STX17: variants seen among roughly 807,000 people sequenced by gnomAD.
STX17 encodes syntaxin-17.
Under a neutral mutation model 35.9 loss-of-function variants are expected in STX17, and 29 were observed. The ratio of observed to expected loss-of-function variants is 0.81; its 90% confidence interval spans 0.60 to 1.10. The LOEUF (loss-of-function observed/expected upper bound fraction) is 1.10. Ranked by LOEUF, STX17 falls within the 50% of genes least tolerant of loss-of-function variation. The pLI is 0.00. For missense variants in STX17, 312 were observed against 352.3 expected (o/e 0.89, Z 0.92); for synonymous variants, 92 against 118.3 (o/e 0.78, Z 1.44).
At chr9:99,952,974 A>G (rs1312890994) in intron 4 of STX17, among the ~76,000 whole-genome samples, 3 of 152,014 alleles carry the variant, frequency 2.0e-5, no homozygotes, top group African/African-American at 4.8e-5. Flanking sequence ...ACATGTATAC[A>G]TATGTAACTA....
intron 2 of STX17, among the ~76,000 whole-genome samples, chr9:99,920,086 T>C (rs1427751579): frequency 6.6e-6 from 1 of 152,208 alleles, no homozygotes; most frequent in Non-Finnish European, 1.5e-5. Flanking sequence ...TCAGTTTCCT[T>C]CCTTTGTGTT....
intron 1 of STX17, 196 bp downstream of exon 1, chr9:99,906,902 T>C (rs1828559498): frequency 6.6e-6 from 1 of 152,258 alleles, no homozygotes; most frequent in Non-Finnish European, 1.5e-5. Flanking sequence ...GGAAGCTTTA[T>C]TGGAAGCTGG....
At position 99,970,193 on chromosome 9, in the gene STX17, T is replaced by G. The variant is rs1829995709; in HGVS notation, c.*1520T>G. 1 of 152,220 alleles carries G rather than the reference T, an allele frequency of 6.6e-6. No individual in the cohort carries two copies. Among genetic ancestry groups the G allele is most frequent in the Non-Finnish European group, 1.5e-5 (1 of 68,042 alleles). 9.4% of individuals were successfully genotyped at this position (152,220 alleles called of 1,614,324 possible). A position where few individuals can be genotyped will look rare whatever the true frequency, so the allele number is the denominator to read the frequency against. On this transcript the variant is annotated 3_prime_UTR_variant, in exon 8 of 8. Transcript: ENST00000259400. ...GGATGGTTTATCACTTCTTTCTTTC[T>G]GAGTTTACTTTTAGTAACTTTTATT...
chr9:99,945,773 A>ATT, intron 3 of STX17: 46 of 323,714 alleles, frequency 1.4e-4, no homozygotes, highest in East Asian at 3.2e-4. Context: ...TGGAACAAAA[A>ATT]TTTTTTTTTT....
At chr9:99,942,859 G>T (rs914346314) in intron 3 of STX17, among the ~76,000 whole-genome samples, 1 of 151,940 alleles carries the variant, frequency 6.6e-6, no homozygotes, top group African/African-American at 2.4e-5. Flanking sequence ...TGTTTGGGTT[G>T]TTTCTGGGCT....
intron 7 of STX17, 85 bp from the exon 8 acceptor site, chr9:99,968,349 C>G: frequency 6.8e-7 from 1 of 1,472,282 alleles, no homozygotes; most frequent in South Asian, 1.5e-5. Context: ...GAGGCATTGC[C>G]AGGAGTAATG....
intron 1 of STX17, among the ~76,000 whole-genome samples, chr9:99,908,257 G>C (rs1035048792): frequency 4.1e-4 from 63 of 152,112 alleles, no homozygotes; most frequent in African/African-American, 1.2e-3. Context: ...GACATCTTGG[G>C]GGGGAGCTTT....
intron 2 of STX17, among the ~76,000 whole-genome samples, chr9:99,925,001 A>T (rs1828960073): frequency 6.6e-6 from 1 of 152,088 alleles, no homozygotes; most frequent in African/African-American, 2.4e-5. Flanking sequence ...GTTTTTGTCA[A>T]ATGATTATCT....
At chr9:99,920,778 GTT>G (rs1173730831) in intron 2 of STX17, among the ~76,000 whole-genome samples, 1 of 151,594 alleles carries the variant, frequency 6.6e-6, no homozygotes. Flanking sequence ...ATCATTTTAA[GTT>G]TTTTCTCCTC....
chr9:99,915,244 C>G lies in STX17; in HGVS notation c.5C>G (p.Ser2Cys), dbSNP rs1564057216. 1.2e-6 allele frequency: 2 copies of G among 1,609,264 alleles called. No homozygotes were observed. The highest frequency in any genetic ancestry group is 1.7e-6 in the Non-Finnish European group (2 of 1,177,788). ...GTCATACAACATTTTTTTAGGATGT[C>G]TGAAGATGAAGAAAAAGTGAAATTA... is the stretch of plus-strand genomic sequence containing the variant. The part of the protein sequence containing the change: M[S>C]EDEEKVKLRR... Residue 2 changes from serine (S) to cysteine (C), a missense_variant, in exon 2 of 8, where the codon TCT becomes TGT. By Grantham distance (112) the Ser-to-Cys change is moderately radical. Transcript: ENST00000259400.
intron 1 of STX17, among the ~76,000 whole-genome samples, chr9:99,912,231 GAAA>G (rs58410906): frequency 1.9e-4 from 28 of 147,226 alleles, no homozygotes; most frequent in Admixed American, 3.4e-4. Context: ...TATCTAAAAA[GAAA>G]AAAAAAAAAA....
At chr9:99,926,277 T>C (rs1305107015) in intron 2 of STX17, among the ~76,000 whole-genome samples, 2 of 152,190 alleles carry the variant, frequency 1.3e-5, no homozygotes, top group African/African-American at 4.8e-5. Context: ...CCTCATTTAT[T>C]AATTCCATTA....
In STX17 at chr9:99,951,303, G is replaced by C. The variant is rs747058332; in HGVS notation, c.415+18G>C. The C allele has an allele frequency of 1.9e-6, 3 of 1,608,468 alleles. No homozygotes were observed. In the Admixed American group the frequency reaches 5.0e-5, roughly 27 times the overall value. On this transcript the variant is annotated intron_variant, in intron 4 of 7. Transcript: ENST00000259400. ...TGTTGGTGGTAATGTATTGTGCTAAGTCTTATTCTCAGTCACAGTAGTGCA... is the reference window on the plus strand; with the variant it reads ...TGTTGGTGGTAATGTATTGTGCTAACTCTTATTCTCAGTCACAGTAGTGCA...
At chr9:99,916,233 G>A (rs979399925) in intron 2 of STX17, 16 of 342,858 alleles carry the variant, frequency 4.7e-5, no homozygotes, top group African/African-American at 1.9e-4. Flanking sequence ...ACCATGCTCC[G>A]GTGAAGTGGC....
chr9:99,932,422 G>C (rs1166672868), intron 3 of STX17, among the ~76,000 whole-genome samples: 2 of 152,076 alleles, frequency 1.3e-5, no homozygotes, highest in African/African-American at 4.8e-5. Flanking sequence ...TTGCTAATTA[G>C]ATGATAGGTC....
In STX17 at chr9:99,967,890, A is replaced by G. The variant is rs979708873; in HGVS notation, c.669+151A>G. On this transcript the variant is annotated intron_variant, in intron 7 of 7. Transcript: ENST00000259400. ...GACACATAGGTAGTGTAAGAAATCAATGTTGTAATATTCTACTCTAAGATT... is the reference window on the plus strand; with the variant it reads ...GACACATAGGTAGTGTAAGAAATCAGTGTTGTAATATTCTACTCTAAGATT... The G allele has an allele frequency of 3.8e-5, 25 of 663,074 alleles. 1 individual carries two copies. The highest frequency in any genetic ancestry group is 3.1e-4 in the South Asian group (17 of 55,606). The allele number at this position is 663,074 out of a possible 1,614,324, so 41.1% of individuals were successfully genotyped here.
intron 3 of STX17, chr9:99,938,205 G>T (rs912724360): frequency 6.6e-6 from 1 of 152,092 alleles, no homozygotes; most frequent in Non-Finnish European, 1.5e-5. Flanking sequence ...TCTAAATACC[G>T]ATGTATCACT....
Position 99,968,462 on chromosome 9 carries a change from C to T in STX17, c.698C>T (p.Pro233Leu). ...GCAAAATACAAGCTGGCAGCTCTGC[C>T]TGTGGCAGGTGCACTCATCGGGGGA... Reference protein sequence around the residue: ...KAAKYKLAALPVAGALIGGMV... With the variant: ...KAAKYKLAALLVAGALIGGMV... Residue 233 changes from proline to leucine, a missense_variant, in exon 8 of 8, where the codon CCT (proline) becomes CTT (leucine). Pro to Leu is a moderately conservative substitution (Grantham distance 98). Transcript: ENST00000259400. The T allele has an allele frequency of 6.4e-7, 1 of 1,557,520 alleles. No individual in the cohort carries two copies. The highest frequency in any genetic ancestry group is 8.7e-7 in the Non-Finnish European group (1 of 1,154,364).
chr9:99,911,455 G>A (rs1398240953), intron 1 of STX17, among the ~76,000 whole-genome samples: 1 of 152,126 alleles, frequency 6.6e-6, no homozygotes, highest in African/African-American at 2.4e-5. Context: ...GAATGCTGCT[G>A]CAATAAACAT....
Sources: gnomAD v4.1 joint callset for allele counts (sites outside exome capture counted in the v4.1 genomes callset) on GRCh38, gnomAD v4.1.1 for gene constraint, MANE v1.5 for transcripts, NCBI Gene and HGNC (gene_info 2026-07-23, HGNC 2026-07-21) for gene names.